NELL1: variants seen among roughly 807,000 people sequenced by gnomAD.
NELL1 encodes protein kinase C-binding protein NELL1.
A neutral mutation model predicts 107.4 loss-of-function variants in NELL1; 76 were observed. The ratio of observed to expected loss-of-function variants is 0.71; its 90% CI spans 0.59 to 0.86. The LOEUF (loss-of-function observed/expected upper bound fraction) is 0.86. Ranked by LOEUF, NELL1 falls within the 40% of genes least tolerant of loss-of-function variation. The probability of loss-of-function intolerance (pLI) is 0.00; values close to 1 mark genes in which losing one functional copy is unlikely to be tolerated. For synonymous variants in NELL1, 353 were observed against 341.2 expected (o/e 1.03, Z -0.38); for missense variants, 1,024 against 1,005.5 (o/e 1.02, Z -0.25).
chr11:21,452,506 A>G (rs1267407214), intron 15 of NELL1, among the ~76,000 whole-genome samples: 1 of 151,990 alleles, frequency 6.6e-6, no homozygotes, highest in Non-Finnish European at 1.5e-5. Context: ...CTGATTATTC[A>G]TTTTATGTGT....
intron 2 of NELL1, among the ~76,000 whole-genome samples, chr11:20,782,956 T>G (rs1462983002): frequency 1.3e-5 from 2 of 152,204 alleles, no homozygotes; most frequent in Non-Finnish European, 2.9e-5. Flanking sequence ...TTAGCTGGAA[T>G]CACACACCTC....
chr11:21,216,668 T>C (rs1460498276), intron 13 of NELL1, among the ~76,000 whole-genome samples: 1 of 152,232 alleles, frequency 6.6e-6, no homozygotes, highest in Non-Finnish European at 1.5e-5. Flanking sequence ...GCATGGAAAC[T>C]GTGGCCCCTT....
At chr11:20,874,398 G>A (rs1208890926) in intron 4 of NELL1, among the ~76,000 whole-genome samples, 1 of 152,124 alleles carries the variant, frequency 6.6e-6, no homozygotes, top group Non-Finnish European at 1.5e-5. Flanking sequence ...TTAATTGAGG[G>A]TTTTTAGCCA....
At chr11:20,688,698 C>T (rs574909727) in intron 2 of NELL1, among the ~76,000 whole-genome samples, 12 of 152,148 alleles carry the variant, frequency 7.9e-5, no homozygotes, top group Admixed American at 5.2e-4. Flanking sequence ...AACAAACATA[C>T]GAGTACATGT....
At chr11:21,028,502 G>GA (rs1852876133) in intron 12 of NELL1, among the ~76,000 whole-genome samples, 2 of 152,060 alleles carry the variant, frequency 1.3e-5, no homozygotes, top group African/African-American at 4.8e-5. Context: ...GCCCACTGAC[G>GA]AAATGAAAAG....
At chr11:20,852,979 A>C (rs948934838) in intron 4 of NELL1, among the ~76,000 whole-genome samples, 15 of 152,324 alleles carry the variant, frequency 9.8e-5, no homozygotes, top group Middle Eastern at 3.4e-3. Context: ...AGATCACAGT[A>C]GGGGAAGCTC....
chr11:20,788,316 G>A (rs994810973), intron 3 of NELL1, among the ~76,000 whole-genome samples: 2 of 152,142 alleles, frequency 1.3e-5, no homozygotes, highest in African/African-American at 2.4e-5. Context: ...TACATTCCCC[G>A]AAGCAGCGTT....
intron 12 of NELL1, among the ~76,000 whole-genome samples, chr11:21,020,040 A>G (rs1167657057): frequency 6.6e-6 from 1 of 152,130 alleles, no homozygotes; most frequent in Non-Finnish European, 1.5e-5. Flanking sequence ...TATGTGACCC[A>G]TAGGAAATTC....
intron 5 of NELL1, among the ~76,000 whole-genome samples, chr11:20,888,087 C>T (rs1432773344): frequency 1.3e-5 from 2 of 151,574 alleles, no homozygotes; most frequent in African/African-American, 4.8e-5. Flanking sequence ...AAAGCACTTC[C>T]AAAAATGAAA....
intron 15 of NELL1, among the ~76,000 whole-genome samples, chr11:21,432,580 C>G (rs190672231): frequency 1.6e-4 from 25 of 152,158 alleles, no homozygotes; most frequent in African/African-American, 5.8e-4. Flanking sequence ...ATAGTAGGTA[C>G]TTTGATAAGA....
chr11:21,039,200 C>T (rs781439204), intron 12 of NELL1, among the ~76,000 whole-genome samples: 6 of 151,472 alleles, frequency 4.0e-5, no homozygotes, highest in Non-Finnish European at 7.4e-5. Context: ...TTTTTTTCTC[C>T]GAGACAGAGT....
intron 16 of NELL1, among the ~76,000 whole-genome samples, chr11:21,542,206 A>C (rs1238725988): frequency 6.6e-6 from 1 of 152,074 alleles, no homozygotes; most frequent in African/African-American, 2.4e-5. Context: ...GGTGAAGAAA[A>C]TGTGAGCTCG....
At chr11:20,801,524 GT>G (rs2134002708) in intron 3 of NELL1, among the ~76,000 whole-genome samples, 1 of 152,234 alleles carries the variant, frequency 6.6e-6, no homozygotes, top group African/African-American at 2.4e-5. Context: ...CTTTATGTGG[GT>G]TGTCTCTTCA....
chr11:21,028,989 T>C (rs1179451013), intron 12 of NELL1, among the ~76,000 whole-genome samples: 2 of 152,192 alleles, frequency 1.3e-5, no homozygotes, highest in African/African-American at 2.4e-5. Flanking sequence ...ATAAGTTAAA[T>C]TGGAATCACC....
intron 2 of NELL1, among the ~76,000 whole-genome samples, chr11:20,752,965 G>A (rs1238090792): frequency 6.6e-6 from 1 of 152,164 alleles, no homozygotes; most frequent in Non-Finnish European, 1.5e-5. Flanking sequence ...AACATTAACA[G>A]ATGACACACA....
intron 14 of NELL1, among the ~76,000 whole-genome samples, chr11:21,251,169 T>C (rs1858627974): frequency 6.6e-6 from 1 of 152,150 alleles, no homozygotes. Flanking sequence ...GTTTACCACT[T>C]AGATCTGTTT....
At chr11:21,447,675 T>TG (rs1853468096) in intron 15 of NELL1, among the ~76,000 whole-genome samples, 1 of 152,090 alleles carries the variant, frequency 6.6e-6, no homozygotes, top group Admixed American at 6.5e-5. Context: ...TGCCTGTGGT[T>TG]GGGGGAAGGG....
chr11:20,996,598 G>GGT (rs1852095383), intron 12 of NELL1, among the ~76,000 whole-genome samples: 2 of 152,148 alleles, frequency 1.3e-5, no homozygotes, highest in Admixed American at 1.3e-4. Flanking sequence ...AGCTTCTCAT[G>GGT]GTGGGGATGG....
At chr11:21,263,258 C>G (rs140698949) in intron 14 of NELL1, among the ~76,000 whole-genome samples, 1 of 151,804 alleles carries the variant, frequency 6.6e-6, no homozygotes, top group Non-Finnish European at 1.5e-5. Context: ...ATGTTTAACC[C>G]GGCTTTCCAC....
Sources: allele counts gnomAD v4.1 joint callset (sites outside exome capture counted in the v4.1 genomes callset), GRCh38; gene constraint gnomAD v4.1.1; transcripts MANE v1.5; gene names NCBI Gene and HGNC (gene_info 2026-07-23, HGNC 2026-07-21).